ADAMTS14: variants seen among roughly 807,000 people sequenced by gnomAD.
ADAMTS14 encodes the protein A disintegrin and metalloproteinase with thrombospondin motifs 14.
A neutral mutation model predicts 128.6 loss-of-function variants in ADAMTS14; 100 were observed. The ratio of observed to expected loss-of-function variants is 0.78; its 90% CI spans 0.66 to 0.92. ADAMTS14 has a LOEUF of 0.92. Among genes scored for constraint, ADAMTS14 ranks in the 40% least tolerant of loss-of-function variants. The pLI, the probability that ADAMTS14 is intolerant of heterozygous loss-of-function variation, is 0.00. For synonymous variants in ADAMTS14, 665 were observed against 653.8 expected, an observed-to-expected ratio of 1.02 and a Z score of -0.26; for missense variants, 1,562 against 1,658.6, an observed-to-expected ratio of 0.94 and a Z score of 1.01.
At position 70,733,897 on chromosome 10, in the gene ADAMTS14, G is replaced by T. The variant is rs748230861; in HGVS notation, c.1221G>T (p.Glu407Asp). ...TTCCCCATTCCAGGCTCGGCATGGA[G>T]CATGACGGTCAGGGGAATGGCTGTG... ...AHETGHVLGM[E>D]HDGQGNGCAD... Residue 407 changes from glutamate to aspartate, a missense_variant, in exon 8 of 22, where the codon GAG becomes GAT. Coordinates refer to ENST00000373207, the MANE Select transcript of ADAMTS14 (RefSeq NM_080722.4). 3 of 1,613,526 alleles carry T rather than the reference G, an allele frequency of 1.9e-6. No homozygotes were observed. Among genetic ancestry groups the T allele is most frequent in the Non-Finnish European group, 2.5e-6 (3 of 1,179,700 alleles).
At chr10:70,744,955 G>A (rs928019938) in intron 14 of ADAMTS14, among the ~76,000 whole-genome samples, 4 of 152,122 alleles carry the variant, frequency 2.6e-5, no homozygotes, top group Non-Finnish European at 4.4e-5. Flanking sequence ...GAAGTGAGAC[G>A]GAGAGGAAGA....
At chr10:70,709,482 G>T (rs1221249913) in intron 4 of ADAMTS14, among the ~76,000 whole-genome samples, 3 of 145,002 alleles carry the variant, frequency 2.1e-5, no homozygotes, top group South Asian at 2.2e-4. Flanking sequence ...AGATATTTAA[G>T]TGAACATTTC....
intron 19 of ADAMTS14, among the ~76,000 whole-genome samples, chr10:70,756,019 T>C (rs946743): frequency 0.52 from 79,614 of 152,020 alleles, 21,064 homozygotes; most frequent in Non-Finnish European, 0.56. Context: ...TCTGTTCATA[T>C]AATACAGTAC....
intron 4 of ADAMTS14, among the ~76,000 whole-genome samples, chr10:70,715,418 T>C (rs1861520): frequency 0.68 from 104,032 of 151,920 alleles, 35,773 homozygotes; most frequent in East Asian, 0.81. Context: ...ACATGCATGG[T>C]TTCTGGGCAC....
chr10:70,753,432 A>T lies in ADAMTS14; in HGVS notation c.2730-368A>T, dbSNP rs1255876084. ...GTTTTGTGCCCTGACGCTTCTCAGC[A>T]CCCAGGACAGTGCTTGCGCCAGTGG... On this transcript the variant is annotated intron_variant, in intron 18 of 21. Transcript: ENST00000373207. Among the ~76,000 whole-genome samples the T allele has an allele frequency of 5.3e-5, 8 of 152,310 alleles. No homozygotes were observed. The South Asian group carries it at 1.0e-3, about 20-fold the overall frequency.
intron 4 of ADAMTS14, among the ~76,000 whole-genome samples, chr10:70,721,133 T>C (rs1841248023): frequency 6.8e-6 from 1 of 146,664 alleles, no homozygotes; most frequent in African/African-American, 2.5e-5. Flanking sequence ...CAAGTGATTC[T>C]CCTGCCTCAG....
intron 16 of ADAMTS14, among the ~76,000 whole-genome samples, chr10:70,750,584 C>T (rs1366091774): frequency 2.0e-5 from 3 of 152,184 alleles, no homozygotes; most frequent in Non-Finnish European, 4.4e-5. Flanking sequence ...CTGGTGTCAC[C>T]CTCACCAGCT....
intron 4 of ADAMTS14, among the ~76,000 whole-genome samples, chr10:70,709,109 G>C (rs536873021): frequency 4.7e-4 from 71 of 152,336 alleles, no homozygotes; most frequent in Non-Finnish European, 9.4e-4. Flanking sequence ...TCAGAGTCAG[G>C]GTCAGGCGTG....
chr10:70,680,319 C>A (rs1445451829), intron 2 of ADAMTS14, among the ~76,000 whole-genome samples: 4 of 150,362 alleles, frequency 2.7e-5, no homozygotes, highest in African/African-American at 9.8e-5. Flanking sequence ...AGAATCGCAT[C>A]GCTTGAACCC....
chr10:70,677,361 G>C (rs1839676904), intron 2 of ADAMTS14, among the ~76,000 whole-genome samples: 1 of 152,008 alleles, frequency 6.6e-6, no homozygotes, highest in Non-Finnish European at 1.5e-5. Context: ...TGTGACCTTG[G>C]GCAAGTCACC....
intron 4 of ADAMTS14, among the ~76,000 whole-genome samples, chr10:70,709,495 GTTTTT>G (rs746940189): frequency 2.9e-5 from 3 of 101,834 alleles, no homozygotes; most frequent in African/African-American, 4.1e-5. Context: ...AACATTTCCA[GTTTTT>G]TTTTTTTTTT....
rs74142704 is a variant in ADAMTS14, at chr10:70,748,152, C to T, written c.2264-1670C>T. Among the ~76,000 whole-genome samples, 687 of 152,270 alleles carry T rather than the reference C, an allele frequency of 4.5e-3. 3 individuals carry two copies. The highest frequency in any genetic ancestry group is 0.015 in the African/African-American group (606 of 41,536). ...TGGCCATCTATGAATATTGTTTTCC[C>T]GCTTTGCAGTTAAAGGAAACTGAGG... On this transcript the variant is annotated intron_variant, in intron 15 of 21. Transcript: ENST00000373207.
chr10:70,729,419 G>A (rs374659925), intron 5 of ADAMTS14, 42 bp downstream of exon 5: 6 of 1,526,460 alleles, frequency 3.9e-6, no homozygotes, highest in East Asian at 2.3e-5. Context: ...GGGGAGAAGG[G>A]TTGTGGGGCC....
chr10:70,736,737 T>C lies in ADAMTS14; in HGVS notation c.1543T>C (p.Phe515Leu), dbSNP rs761767870. 25 of 1,613,732 alleles carry C rather than the reference T, an allele frequency of 1.5e-5. No individual in the cohort carries two copies. In the African/African-American group the frequency reaches 2.5e-4, roughly 16 times the overall value. ...GTGCAGCCATCCTGACAACCCGTACTTCTGCAAGACCAAGAAGGGGCCCCC... is the reference window on the plus strand; with the variant it reads ...GTGCAGCCATCCTGACAACCCGTACCTCTGCAAGACCAAGAAGGGGCCCCC... The part of the protein sequence containing the change: ...LWCSHPDNPY[F>L]CKTKKGPPLD... Residue 515 changes from phenylalanine (F) to leucine (L), a missense_variant, in exon 10 of 22, where the codon TTC (phenylalanine) becomes CTC (leucine). Physicochemically the swap from Phe to Leu is conservative, Grantham distance 22. Transcript: ENST00000373207.
At chr10:70,743,959 A>G (rs1842089049) in intron 13 of ADAMTS14, 107 bp from the exon 14 acceptor site, 2 of 1,411,386 alleles carry the variant, frequency 1.4e-6, no homozygotes, top group East Asian at 5.1e-5. Flanking sequence ...GACATCTCCC[A>G]GGCCAGAGGT....
At chr10:70,703,469 G>A (rs1840557340) in intron 3 of ADAMTS14, among the ~76,000 whole-genome samples, 1 of 152,200 alleles carries the variant, frequency 6.6e-6, no homozygotes, top group Admixed American at 6.5e-5. Context: ...TGCTCTCCAA[G>A]TATCACTCAT....
chr10:70,693,771 G>A (rs1840255912), intron 2 of ADAMTS14, among the ~76,000 whole-genome samples: 1 of 152,228 alleles, frequency 6.6e-6, no homozygotes, highest in Admixed American at 6.5e-5. Context: ...CTTCCAGGGT[G>A]TGGGGCCTGC....
intron 3 of ADAMTS14, among the ~76,000 whole-genome samples, chr10:70,705,856 T>A (rs990909824): frequency 6.6e-6 from 1 of 152,254 alleles, no homozygotes; most frequent in Non-Finnish European, 1.5e-5. Context: ...GTTGTTTCTA[T>A]CTTTTGGCTA....
chr10:70,751,871 C>T lies in ADAMTS14; in HGVS notation c.2597-224C>T, dbSNP rs540323870. On this transcript the variant is annotated intron_variant, in intron 17 of 21. Transcript: ENST00000373207. ...GCAGAGCTTCTACCCTAAAAGAGCT[C>T]ACCCACTGTGGGGACAGACAGCTGT... 5.3e-5 allele frequency among the ~76,000 whole-genome samples: 8 copies of T among 152,346 alleles called. No homozygotes were observed. In the East Asian group the frequency reaches 1.5e-3, roughly 29 times the overall value.
Sources: allele counts gnomAD v4.1 joint callset (sites outside exome capture counted in the v4.1 genomes callset), GRCh38; gene constraint gnomAD v4.1.1; transcripts MANE v1.5; gene names NCBI Gene and HGNC (gene_info 2026-07-23, HGNC 2026-07-21).